ATXN7: variants seen among roughly 807,000 people sequenced by gnomAD.
ATXN7 encodes ataxin-7.
Under a neutral mutation model 70.5 loss-of-function variants are expected in ATXN7, and 12 were observed. The observed-to-expected ratio is 0.17, with a 90% CI of 0.11 to 0.28. ATXN7 has a LOEUF of 0.28. Ranked by LOEUF, ATXN7 falls within the 10% of genes least tolerant of loss-of-function variation. The pLI is 1.00. For missense variants in ATXN7, 1,256 were observed against 1,131.7 expected, an observed-to-expected ratio of 1.11 and a Z score of -1.58; for synonymous variants, 498 against 448.7, an observed-to-expected ratio of 1.11 and a Z score of -1.39.
chr3:63,946,552 A>G (rs1176844799), intron 4 of ATXN7, among the ~76,000 whole-genome samples: 1 of 151,654 alleles, frequency 6.6e-6, no homozygotes, highest in African/African-American at 2.4e-5. Flanking sequence ...CTGAGGCAGG[A>G]GAATGGCGTG....
At chr3:63,873,434 C>T (rs1414799496) in intron 1 of ATXN7, among the ~76,000 whole-genome samples, 1 of 152,126 alleles carries the variant, frequency 6.6e-6, no homozygotes, top group Non-Finnish European at 1.5e-5. Flanking sequence ...TTTTTAATCC[C>T]ACTTTCTACT....
At chr3:63,936,048 T>A (rs528326103) in intron 4 of ATXN7, among the ~76,000 whole-genome samples, 2 of 152,286 alleles carry the variant, frequency 1.3e-5, no homozygotes, top group South Asian at 2.1e-4. Context: ...GAGGTATGAA[T>A]CAACTAAGAT....
chr3:63,880,610 A>G (rs56126667), intron 1 of ATXN7, among the ~76,000 whole-genome samples: 15,529 of 152,110 alleles, frequency 0.1, 975 homozygotes, highest in Admixed American at 0.15. Context: ...GTTCTTCCTC[A>G]ATGTCTTTTC....
intron 8 of ATXN7, among the ~76,000 whole-genome samples, chr3:63,984,473 T>C (rs2075542017): frequency 6.6e-6 from 1 of 152,182 alleles, no homozygotes; most frequent in African/African-American, 2.4e-5. Flanking sequence ...CCTAAGAGAA[T>C]GTGTGAAAGC....
chr3:63,952,531 A>G, intron 5 of ATXN7, 48 bp downstream of exon 5: 1 of 1,368,338 alleles, frequency 7.3e-7, no homozygotes, highest in Non-Finnish European at 1.0e-6. Context: ...GTAAAAGGTA[A>G]AGCAAGATTA....
chr3:63,940,896 A>G (rs758270422), intron 4 of ATXN7, among the ~76,000 whole-genome samples: 19 of 152,212 alleles, frequency 1.2e-4, no homozygotes, highest in Non-Finnish European at 2.2e-4. Flanking sequence ...GACACATGGC[A>G]TTGAAAGCTT....
At chr3:63,933,595 TGAACTA>T (rs1402245624) in intron 4 of ATXN7, among the ~76,000 whole-genome samples, 1 of 152,116 alleles carries the variant, frequency 6.6e-6, no homozygotes, top group Non-Finnish European at 1.5e-5. Context: ...CTGTGATGAG[TGAACTA>T]TATATCTTGT....
intron 5 of ATXN7, among the ~76,000 whole-genome samples, chr3:63,970,675 A>G (rs1203409635): frequency 6.6e-6 from 1 of 152,208 alleles, no homozygotes; most frequent in African/African-American, 2.4e-5. Flanking sequence ...CAAGAGGATT[A>G]TTTGAGGTTG....
At chr3:63,879,855 A>G (rs832199) in intron 1 of ATXN7, among the ~76,000 whole-genome samples, 125,935 of 151,774 alleles carry the variant, frequency 0.83, 52,413 homozygotes, top group Admixed American at 0.88. Context: ...AGGCCGAGGC[A>G]GGTGGATCAC....
chr3:63,972,388 C>T (rs775056668), intron 5 of ATXN7, among the ~76,000 whole-genome samples: 10 of 152,208 alleles, frequency 6.6e-5, no homozygotes, highest in Admixed American at 2.0e-4. Flanking sequence ...TGAAGTCATG[C>T]ATTCCTTGAA....
chr3:63,998,757 G>A, intron 12 of ATXN7: 1 of 929,526 alleles, frequency 1.1e-6, no homozygotes, highest in Non-Finnish European at 1.3e-6. Flanking sequence ...AATCTCAAAG[G>A]GACTCGTGAC....
chr3:63,895,184 G>A (rs926972114), intron 1 of ATXN7, among the ~76,000 whole-genome samples: 23 of 152,074 alleles, frequency 1.5e-4, no homozygotes, highest in Middle Eastern at 3.4e-3. Context: ...TTTTTCTTTC[G>A]TTTATTGTGA....
rs554565714 is a variant in ATXN7 at position 63,864,301 on chromosome 3, C to G, written c.-111+143C>G. Among the ~76,000 whole-genome samples the G allele has an allele frequency of 1.7e-3, 248 of 148,110 alleles. 2 individuals are homozygous for G. In the Middle Eastern group the frequency reaches 0.021, roughly 12 times the overall value. The stretch of plus-strand genomic sequence containing the variant: ...AGGGTGACGCTGCTAGGGGTGGGCT[C>G]GTTTCCCTGGGGGGTGGGGAGGGTG... On this transcript the variant is annotated intron_variant, in intron 1 of 12. Coordinates refer to ENST00000674280, the MANE Select transcript of ATXN7 (RefSeq NM_001377405.1).
intron 4 of ATXN7, among the ~76,000 whole-genome samples, chr3:63,939,731 C>A (rs1400155699): frequency 6.6e-6 from 1 of 152,140 alleles, no homozygotes; most frequent in African/African-American, 2.4e-5. Context: ...AACCTCTCCT[C>A]CCCAACTCCA....
At chr3:63,907,880 A>G (rs1375348626) in intron 2 of ATXN7, among the ~76,000 whole-genome samples, 3 of 152,190 alleles carry the variant, frequency 2.0e-5, no homozygotes, top group Admixed American at 6.5e-5. Context: ...AACACTGGGC[A>G]TTACTAATTA....
intron 12 of ATXN7, 183 bp from the exon 13 acceptor site, chr3:63,999,267 A>C: frequency 1.7e-6 from 1 of 587,904 alleles, no homozygotes; most frequent in Non-Finnish European, 3.1e-6. Flanking sequence ...TGTGCCCAGT[A>C]GTAGTGAAGG....
At chr3:63,889,273 G>T (rs938554752) in intron 1 of ATXN7, among the ~76,000 whole-genome samples, 2 of 152,184 alleles carry the variant, frequency 1.3e-5, no homozygotes, top group African/African-American at 4.8e-5. Context: ...GGAATAAGAA[G>T]TCCCAATGTT....
intron 2 of ATXN7, among the ~76,000 whole-genome samples, chr3:63,910,654 G>A (rs1703979837): frequency 6.6e-6 from 1 of 152,142 alleles, no homozygotes; most frequent in Non-Finnish European, 1.5e-5. Context: ...TCTTATGGAG[G>A]AAGTTAAAGC....
chr3:63,863,832 A>AGGCGGCGGTT, upstream of ATXN7: 2 of 1,218,592 alleles, frequency 1.6e-6, no homozygotes, highest in South Asian at 4.0e-5. Flanking sequence ...GCGCAAGCTG[A>AGGCGGCGGTT]GGCGGCGGTT....
Sources: allele counts gnomAD v4.1 joint callset (sites outside exome capture counted in the v4.1 genomes callset), GRCh38; gene constraint gnomAD v4.1.1; transcripts MANE v1.5; gene names NCBI Gene and HGNC (gene_info 2026-07-23, HGNC 2026-07-21).